GLDC: variants seen among roughly 807,000 people sequenced by gnomAD.
The protein encoded by GLDC is glycine decarboxylase, also known as glycine dehydrogenase (decarboxylating), mitochondrial.
GLDC carries 104 observed loss-of-function variants against 121.3 expected under a neutral mutation model. The observed-to-expected ratio is 0.86, with a 90% CI of 0.73 to 1.01. The LOEUF (loss-of-function observed/expected upper bound fraction) is 1.01. GLDC is among the 50% of genes least tolerant of loss of function. GLDC has a pLI of 0.00. For synonymous variants in GLDC, 546 were observed against 480.6 expected, an observed-to-expected ratio of 1.14 and a Z score of -1.78; for missense variants, 1,429 against 1,306.6, an observed-to-expected ratio of 1.09 and a Z score of -1.44.
At chr9:6,566,816 C>A (rs1231265691) in intron 15 of GLDC, among the ~76,000 whole-genome samples, 1 of 152,108 alleles carries the variant, frequency 6.6e-6, no homozygotes, top group Non-Finnish European at 1.5e-5. Context: ...AATAAAATAA[C>A]TTTTTTTAAT....
At chr9:6,610,040 G>C (rs969606505) in intron 4 of GLDC, 152 bp downstream of exon 4, 5 of 664,664 alleles carry the variant, frequency 7.5e-6, no homozygotes, top group Middle Eastern at 4.1e-4. Context: ...CCAACCTCTA[G>C]GTTTTTGAAC....
intron 16 of GLDC, among the ~76,000 whole-genome samples, chr9:6,564,420 A>C (rs977804862): frequency 6.6e-6 from 1 of 152,168 alleles, no homozygotes; most frequent in African/African-American, 2.4e-5. Context: ...ATTCCAGGCA[A>C]CTAGCCATAA....
intron 8 of GLDC, among the ~76,000 whole-genome samples, chr9:6,600,210 T>A (rs1182420989): frequency 1.3e-5 from 2 of 151,922 alleles, no homozygotes; most frequent in Admixed American, 1.3e-4. Context: ...CAAAACATTT[T>A]TTTGAAAATT....
At chr9:6,538,998 A>T (rs1163941505) in intron 22 of GLDC, among the ~76,000 whole-genome samples, 1 of 151,882 alleles carries the variant, frequency 6.6e-6, no homozygotes, top group East Asian at 1.9e-4. Context: ...AGTCACACAC[A>T]TGGGATTCCC....
intron 21 of GLDC, among the ~76,000 whole-genome samples, chr9:6,548,367 A>T (rs368043714): frequency 3.2e-5 from 2 of 61,702 alleles, no homozygotes; most frequent in Non-Finnish European, 9.9e-5. Context: ...TTCACAGAGC[A>T]GGAGCTAAGC....
chr9:6,543,336 C>G (rs1345414362), intron 21 of GLDC, among the ~76,000 whole-genome samples: 2 of 152,160 alleles, frequency 1.3e-5, no homozygotes, highest in Non-Finnish European at 2.9e-5. Flanking sequence ...TGGAAGCTCA[C>G]TGCTCGGAAT....
chr9:6,542,674 C>T (rs928393), intron 21 of GLDC, among the ~76,000 whole-genome samples: 111,604 of 151,740 alleles, frequency 0.74, 42,208 homozygotes, highest in East Asian at 0.97. Flanking sequence ...TCGCTTGAGC[C>T]CAGGAGTTTG....
intron 15 of GLDC, among the ~76,000 whole-genome samples, chr9:6,580,351 C>T (rs1414039492): frequency 1.3e-5 from 2 of 152,104 alleles, no homozygotes; most frequent in African/African-American, 4.8e-5. Context: ...TGGGAATGTG[C>T]AATAGAAAAA....
intron 15 of GLDC, among the ~76,000 whole-genome samples, chr9:6,583,765 A>T (rs1245558296): frequency 1.3e-5 from 2 of 152,252 alleles, no homozygotes; most frequent in Non-Finnish European, 2.9e-5. Context: ...AGCCAGACAC[A>T]AAAGGACAAA....
intron 3 of GLDC, among the ~76,000 whole-genome samples, chr9:6,616,964 T>C (rs1343761614): frequency 3.3e-5 from 5 of 152,240 alleles, no homozygotes; most frequent in Non-Finnish European, 7.3e-5. Context: ...ATGTAAATGT[T>C]CTGATGTTAT....
intron 15 of GLDC, chr9:6,569,060 A>G (rs914000477): frequency 2.8e-4 from 42 of 152,220 alleles, no homozygotes; most frequent in African/African-American, 9.9e-4. Flanking sequence ...CACAAGGTGA[A>G]AACAGCTGGA....
At chr9:6,607,674 C>T (rs569965026) in intron 4 of GLDC, among the ~76,000 whole-genome samples, 14 of 151,898 alleles carry the variant, frequency 9.2e-5, no homozygotes, top group Admixed American at 5.9e-4. Flanking sequence ...AACAGGGTCT[C>T]GGTCTATCGC....
At chr9:6,581,486 C>G (rs948083928) in intron 15 of GLDC, among the ~76,000 whole-genome samples, 3 of 152,236 alleles carry the variant, frequency 2.0e-5, no homozygotes, top group Non-Finnish European at 4.4e-5. Context: ...CACAAGCATA[C>G]CAGAGGCATA....
At chr9:6,588,331 T>C in intron 14 of GLDC, 70 bp downstream of exon 14, 3 of 1,029,586 alleles carry the variant, frequency 2.9e-6, no homozygotes, top group Non-Finnish European at 3.1e-6. Flanking sequence ...ATTTCACTAG[T>C]TCTGGGCTTA....
At chr9:6,603,008 A>T (rs1818648888) in intron 7 of GLDC, among the ~76,000 whole-genome samples, 1 of 152,170 alleles carries the variant, frequency 6.6e-6, no homozygotes, top group Non-Finnish European at 1.5e-5. Flanking sequence ...TGGGCGGATC[A>T]CCTGAGGTCC....
chr9:6,546,572 T>A (rs575273816), intron 21 of GLDC, among the ~76,000 whole-genome samples: 2 of 152,204 alleles, frequency 1.3e-5, no homozygotes, highest in African/African-American at 2.4e-5. Flanking sequence ...TCTCCTGTGA[T>A]GACAATGCCT....
At chr9:6,533,881 C>G (rs1587907912) in intron 24 of GLDC, among the ~76,000 whole-genome samples, 1 of 149,920 alleles carries the variant, frequency 6.7e-6, no homozygotes, top group East Asian at 2.0e-4. Flanking sequence ...AAGTTAATTT[C>G]TCATACTGTG....
intron 8 of GLDC, among the ~76,000 whole-genome samples, chr9:6,596,053 T>C (rs1301100898): frequency 1.3e-5 from 2 of 152,222 alleles, no homozygotes; most frequent in South Asian, 2.1e-4. Context: ...AACACTCTTA[T>C]GGACTCCTTA....
Position 6,532,815 on chromosome 9 carries a change from A to T in GLDC, c.*202T>A, listed in dbSNP as rs1817028136. Reference sequence around the variant, plus strand: ...CAACTGGCACATGTGGAAGCAGAATACCAAAGCAAATCCGTCTTCCAACCA... The same window carrying T: ...CAACTGGCACATGTGGAAGCAGAATTCCAAAGCAAATCCGTCTTCCAACCA... On this transcript the variant is annotated 3_prime_UTR_variant, in exon 25 of 25. Coordinates refer to ENST00000321612, the MANE Select transcript of GLDC (RefSeq NM_000170.3). The T allele has an allele frequency of 5.1e-6, 3 of 588,676 alleles. No homozygotes were observed. The highest frequency in any genetic ancestry group is 1.8e-5 in the African/African-American group (1 of 54,074). The allele number at this position is 588,676 out of a possible 1,614,324, so 36.5% of individuals were successfully genotyped here. A position where few individuals can be genotyped will look rare whatever the true frequency, so the allele number is the denominator to read the frequency against.
Sources: gnomAD v4.1 joint callset for allele counts (sites outside exome capture counted in the v4.1 genomes callset) on GRCh38, gnomAD v4.1.1 for gene constraint, MANE v1.5 for transcripts, NCBI Gene and HGNC (gene_info 2026-07-23, HGNC 2026-07-21) for gene names.